USP43: variants seen among roughly 807,000 people sequenced by gnomAD.
USP43 encodes the protein ubiquitin specific peptidase 43.
A neutral mutation model predicts 90.7 loss-of-function variants in USP43; 33 were observed. That is an observed-to-expected ratio of 0.36 (90% CI 0.28 to 0.49). The LOEUF (loss-of-function observed/expected upper bound fraction) is 0.49, where lower values mean the gene tolerates loss of function less well. USP43 is among the 20% of genes least tolerant of loss of function. USP43 has a pLI of 0.98. For missense variants in USP43, 1,274 were observed against 1,476.4 expected, an observed-to-expected ratio of 0.86 and a Z score of 2.25; for synonymous variants, 598 against 615.8, an observed-to-expected ratio of 0.97 and a Z score of 0.43.
chr17:9,723,495 C>T (rs1237633890), intron 14 of USP43, among the ~76,000 whole-genome samples: 2 of 140,792 alleles, frequency 1.4e-5, no homozygotes, highest in African/African-American at 2.6e-5. Flanking sequence ...GTTTCTTGCT[C>T]TTCTCTTTTC....
At chr17:9,724,397 G>C (rs536831638) in intron 14 of USP43, among the ~76,000 whole-genome samples, 6 of 152,084 alleles carry the variant, frequency 3.9e-5, no homozygotes, top group Non-Finnish European at 7.3e-5. Flanking sequence ...ACATCATATG[G>C]GGCCCAGCAT....
At position 9,708,127 on chromosome 17, in the gene USP43, G is replaced by T. The variant is rs1216708612; in HGVS notation, c.2012-1829G>T. On this transcript the variant is annotated intron_variant, in intron 12 of 14. Coordinates refer to ENST00000285199, the MANE Select transcript of USP43 (RefSeq NM_153210.5). ...ATGTGCAAAGGCCCTGAGGCAGAAA[G>T]CATTCGGTGTGTTTAAGACATGATG... Among the ~76,000 whole-genome samples the T allele has an allele frequency of 2.6e-5, 4 of 152,216 alleles. No individual in the cohort carries two copies. The East Asian group carries it at 7.7e-4, about 29-fold the overall frequency.
At chr17:9,692,231 C>A (rs1915001497) in intron 8 of USP43, among the ~76,000 whole-genome samples, 1 of 151,676 alleles carries the variant, frequency 6.6e-6, no homozygotes, top group African/African-American at 2.4e-5. Flanking sequence ...TGGTGGCAGG[C>A]ACCTGTAATT....
Position 9,729,081 on chromosome 17 carries a change from A to C in USP43, c.*91A>C. ...CATGTTGAGAATGGGTTTCCAGGAA[A>C]CCCGTTGTCTTGTAATCTCTAAAAA... On this transcript the variant is annotated 3_prime_UTR_variant, in exon 15 of 15. Coordinates refer to ENST00000285199, the MANE Select transcript of USP43 (RefSeq NM_153210.5). 1.5e-6 allele frequency: 2 copies of C among 1,307,298 alleles called. No individual in the cohort carries two copies. Among genetic ancestry groups the C allele is most frequent in the Non-Finnish European group, 2.0e-6 (2 of 1,000,298 alleles). 81.0% of individuals were successfully genotyped at this position (1,307,298 alleles called of 1,614,324 possible).
intron 6 of USP43, among the ~76,000 whole-genome samples, chr17:9,681,241 T>TAC (rs1914204610): frequency 8.8e-6 from 1 of 113,412 alleles, no homozygotes; most frequent in Non-Finnish European, 1.6e-5. Context: ...ATATAATATA[T>TAC]ATTTAATATG....
intron 8 of USP43, among the ~76,000 whole-genome samples, chr17:9,689,862 C>T (rs771930541): frequency 6.6e-5 from 10 of 152,028 alleles, no homozygotes; most frequent in South Asian, 2.1e-4. Flanking sequence ...CCATTAGGGG[C>T]GGAGGAAAAA....
chr17:9,692,969 T>C (rs1411924971), intron 8 of USP43, among the ~76,000 whole-genome samples, 158 bp from the exon 9 acceptor site: 1 of 152,200 alleles, frequency 6.6e-6, no homozygotes, highest in Admixed American at 6.5e-5. Context: ...AAAATGAAGT[T>C]TTTGTCTCTT....
intron 12 of USP43, among the ~76,000 whole-genome samples, chr17:9,706,872 T>C (rs1197790063): frequency 6.6e-6 from 1 of 152,024 alleles, no homozygotes; most frequent in Non-Finnish European, 1.5e-5. Flanking sequence ...CTTGAACTCC[T>C]GACCTCATGA....
At chr17:9,690,836 G>A (rs1388255650) in intron 8 of USP43, among the ~76,000 whole-genome samples, 2 of 152,088 alleles carry the variant, frequency 1.3e-5, no homozygotes, top group East Asian at 1.9e-4. Flanking sequence ...AGTGAGCCGA[G>A]ATCGCACCAC....
chr17:9,675,410 GGTT>G (rs796432507), intron 4 of USP43, among the ~76,000 whole-genome samples: 76 of 152,248 alleles, frequency 5.0e-4, no homozygotes, highest in African/African-American at 1.8e-3. Context: ...AGAGGAAAGG[GGTT>G]GTTTGGGGAA....
chr17:9,723,900 C>T (rs537192160), intron 14 of USP43, among the ~76,000 whole-genome samples: 46 of 152,150 alleles, frequency 3.0e-4, no homozygotes, highest in East Asian at 9.7e-4. Flanking sequence ...TGAGCCACCG[C>T]GCCCGGCTTC....
chr17:9,681,057 T>A (rs1914139981), intron 6 of USP43, among the ~76,000 whole-genome samples: 1 of 132,912 alleles, frequency 7.5e-6, no homozygotes, highest in Non-Finnish European at 1.5e-5. Flanking sequence ...ATAATATATA[T>A]AAAATGTATA....
rs999144324 is a variant in USP43 at position 9,701,897 on chromosome 17, G to A, written c.2011+197G>A. Among the ~76,000 whole-genome samples the A allele has an allele frequency of 6.6e-6, 1 of 152,204 alleles. No individual in the cohort carries two copies. The highest frequency in any genetic ancestry group is 2.4e-5 in the African/African-American group (1 of 41,448). ...AGGACCTGCCCTGTAGGAGCTGGTG[G>A]GGGAGAGAGAATTCCAGTAAAATAT... On this transcript the variant is annotated intron_variant, in intron 12 of 14. Transcript: ENST00000285199. This position sits in a 1 kb window ranked among gnomAD's most constrained non-coding sequence, Gnocchi z 7.2.
rs112550907 is a variant in USP43, at chr17:9,728,717, C to T, written c.3099C>T (p.Ala1033=). 1.2e-6 allele frequency: 2 copies of T among 1,601,138 alleles called. No individual in the cohort carries two copies. Among genetic ancestry groups the T allele is most frequent in the South Asian group, 1.1e-5 (1 of 89,776 alleles). The change falls in exon 15 of 15, where the codon GCC becomes GCT. Residue 1033 remains alanine, a synonymous_variant. Transcript: ENST00000285199. This position sits in a 1 kb window ranked among gnomAD's most constrained non-coding sequence, Gnocchi z 6.2. ...VSLVSGGLSP[A]MDGQAPGSPP... ...TGGTGAGTGGCGGGCTGAGCCCTGC[C>T]ATGGACGGGCAGGCTCCAGGCTCAC...
At chr17:9,680,652 G>T (rs1914104999) in intron 6 of USP43, among the ~76,000 whole-genome samples, 1 of 152,116 alleles carries the variant, frequency 6.6e-6, no homozygotes, top group Non-Finnish European at 1.5e-5. Flanking sequence ...GGCCTGGGGT[G>T]GGGCCTAAGA....
chr17:9,693,075 T>G (rs1390121691), intron 8 of USP43, 52 bp from the exon 9 acceptor site: 2 of 1,421,414 alleles, frequency 1.4e-6, no homozygotes, highest in African/African-American at 2.8e-5. Context: ...GAGTCTAATT[T>G]AAATCAATAT....
chr17:9,647,061 CAAAAAAAAAA>C (rs11305216), intron 1 of USP43: 1 of 79,816 alleles, frequency 1.3e-5, no homozygotes, highest in South Asian at 4.6e-4. Context: ...TTGCTTCCTG[CAAAAAAAAAA>C]AAAAAAAAAA....
Position 9,714,141 on chromosome 17 carries a change from C to T in USP43, c.2335+2009C>T, listed in dbSNP as rs117259701. ...AGGAGGCGGAGCTCAGGCGGTAATG[C>T]GAGTGATGGGGAGCAGCTGTAAATA... On this transcript the variant is annotated intron_variant, in intron 14 of 14. Transcript: ENST00000285199. Among the ~76,000 whole-genome samples the T allele has an allele frequency of 0.028, 4,201 of 152,232 alleles. 453 individuals are homozygous for T. The East Asian group carries it at 0.31, about 11-fold the overall frequency.
At chr17:9,668,111 C>T (rs9896646) in intron 3 of USP43, among the ~76,000 whole-genome samples, 2,841 of 152,310 alleles carry the variant, frequency 0.019, 74 homozygotes, top group African/African-American at 0.056. Context: ...ATTATGGATA[C>T]CAAAACAAGT....
Sources: gnomAD v4.1 joint callset for allele counts (sites outside exome capture counted in the v4.1 genomes callset) on GRCh38, gnomAD v4.1.1 for gene constraint, Gnocchi (gnomAD v3.1) non-coding constraint, MANE v1.5 for transcripts, NCBI Gene and HGNC (gene_info 2026-07-23, HGNC 2026-07-21) for gene names.